Variants in RRAGC observed in about 807,000 individuals in gnomAD.
RRAGC encodes the protein Ras related GTP binding C, also known as ras-related GTP-binding protein C.
In RRAGC, 8 loss-of-function variants were observed where a neutral mutation model predicts 37.1. The observed-to-expected ratio is 0.22, with a 90% CI of 0.13 to 0.39. The LOEUF (loss-of-function observed/expected upper bound fraction) is 0.39, where lower values mean the gene tolerates loss of function less well. RRAGC is among the 10% of genes least tolerant of loss of function. The pLI, the probability that RRAGC is intolerant of heterozygous loss-of-function variation, is 1.00. For missense variants in RRAGC, 342 were observed against 497.6 expected (o/e 0.69, Z 2.98); for synonymous variants, 190 against 181.1 (o/e 1.05, Z -0.39).
intron 6 of RRAGC, among the ~76,000 whole-genome samples, chr1:38,844,281 C>T (rs541505918): frequency 2.6e-5 from 4 of 152,056 alleles, no homozygotes; most frequent in Admixed American, 2.0e-4. Flanking sequence ...TAAGAGAGAA[C>T]GTCTTACTAA....
chr1:38,852,874 G>A (rs1365265296), intron 3 of RRAGC, among the ~76,000 whole-genome samples: 1 of 151,996 alleles, frequency 6.6e-6, no homozygotes, highest in Admixed American at 6.6e-5. Context: ...CATAATTCAG[G>A]TTTCTACTAA....
At chr1:38,851,980 ATCT>A (rs1348932240) in intron 4 of RRAGC, among the ~76,000 whole-genome samples, 5 of 152,288 alleles carry the variant, frequency 3.3e-5, no homozygotes, top group African/African-American at 9.6e-5. Context: ...CCTAAGTCAA[ATCT>A]TCTTCTTCCT....
intron 3 of RRAGC, 134 bp downstream of exon 3, chr1:38,855,574 C>T: frequency 1.3e-6 from 1 of 759,040 alleles, no homozygotes; most frequent in Non-Finnish European, 2.2e-6. Flanking sequence ...TGGAATTCAA[C>T]AACAAGATCA....
Position 38,855,725 on chromosome 1 carries a change from T to C in RRAGC, c.624A>G (p.Leu208=). The C allele has an allele frequency of 6.2e-7, 1 of 1,614,064 alleles. No individual in the cohort carries two copies. The highest frequency in any genetic ancestry group is 2.2e-5 in the East Asian group (1 of 44,870). ...GTTGTTACCTAAGATGGAGTTTTTC[T>C]AGCCCAGCATCTGCAAGGTCATCAT... ...RANDDLADAG[L]EKLHLSFYLT... is the part of the protein sequence containing the mutation. The change falls in exon 3 of 7, where the codon CTA becomes CTG. Residue 208 remains leucine (L), a synonymous_variant. Coordinates refer to ENST00000373001, the MANE Select transcript of RRAGC (RefSeq NM_022157.4).
chr1:38,850,693 G>A (rs1642089655), intron 5 of RRAGC, among the ~76,000 whole-genome samples: 1 of 152,068 alleles, frequency 6.6e-6, no homozygotes, highest in Non-Finnish European at 1.5e-5. Context: ...GAGATATTTA[G>A]ACTAGATGGA....
chr1:38,858,255 A>T (rs1642191534), intron 1 of RRAGC, among the ~76,000 whole-genome samples: 3 of 152,178 alleles, frequency 2.0e-5, no homozygotes, highest in Admixed American at 2.0e-4. Context: ...AAGAAAAAAA[A>T]ATCACAGATT....
chr1:38,855,630 A>G, intron 3 of RRAGC, 78 bp downstream of exon 3: 1 of 1,133,146 alleles, frequency 8.8e-7, no homozygotes, highest in South Asian at 1.3e-5. Context: ...GCAGAAAGCT[A>G]TGGTGTTTGT....
At chr1:38,842,821 C>T (rs1043987739) in intron 6 of RRAGC, among the ~76,000 whole-genome samples, 4 of 152,056 alleles carry the variant, frequency 2.6e-5, no homozygotes, top group Non-Finnish European at 4.4e-5. Flanking sequence ...TATATGGCAG[C>T]GAAAAGGAAT....
intron 6 of RRAGC, among the ~76,000 whole-genome samples, chr1:38,844,742 T>C (rs1245666127): frequency 1.3e-5 from 2 of 152,178 alleles, no homozygotes; most frequent in African/African-American, 4.8e-5. Flanking sequence ...GACAAACGGC[T>C]AATATCCAGA....
Position 38,839,712 on chromosome 1 carries a change from A to T in RRAGC, c.1049-8T>A, listed in dbSNP as rs748160088. The T allele has an allele frequency of 6.2e-7, 1 of 1,612,962 alleles. No individual in the cohort carries two copies. Among genetic ancestry groups the T allele is most frequent in the Non-Finnish European group, 8.5e-7 (1 of 1,179,504 alleles). ...AGTTGTAGTCTATTAAACCTGCAGG[A>T]AGGAAAAAGAAAAGAATGCCTCCTG... On this transcript the variant is annotated splice_polypyrimidine_tract_variant and splice_region_variant and intron_variant, in intron 6 of 6. Coordinates refer to ENST00000373001, the MANE Select transcript of RRAGC (RefSeq NM_022157.4).
At chr1:38,856,749 T>G in intron 2 of RRAGC, 130 bp downstream of exon 2, 2 of 800,252 alleles carry the variant, frequency 2.5e-6, no homozygotes, top group Non-Finnish European at 4.1e-6. Flanking sequence ...CAACTGCATC[T>G]CTTACACTGT....
intron 6 of RRAGC, among the ~76,000 whole-genome samples, chr1:38,843,523 A>T (rs1641989501): frequency 6.6e-6 from 1 of 152,102 alleles, no homozygotes; most frequent in African/African-American, 2.4e-5. Context: ...GATTGAGACC[A>T]TCCTGGCTAA....
At chr1:38,845,832 A>C in intron 6 of RRAGC, 107 bp downstream of exon 6, 1 of 876,658 alleles carries the variant, frequency 1.1e-6, no homozygotes, top group East Asian at 2.8e-5. Flanking sequence ...TTTTTTTCTG[A>C]TAGCTATTTG....
At chr1:38,844,992 T>C (rs1642010745) in intron 6 of RRAGC, among the ~76,000 whole-genome samples, 1 of 152,186 alleles carries the variant, frequency 6.6e-6, no homozygotes, top group African/African-American at 2.4e-5. Context: ...CTGGAGAGGA[T>C]GTGGAGAAAT....
intron 5 of RRAGC, among the ~76,000 whole-genome samples, chr1:38,850,981 T>C (rs570006864): frequency 3.3e-5 from 5 of 152,316 alleles, no homozygotes; most frequent in South Asian, 4.1e-4. Flanking sequence ...TTATCAGCTT[T>C]TGAAAAGCCA....
chr1:38,839,043 A>T lies in RRAGC; in HGVS notation c.*510T>A, dbSNP rs1212421448. On this transcript the variant is annotated 3_prime_UTR_variant, in exon 7 of 7. Coordinates refer to ENST00000373001, the MANE Select transcript of RRAGC (RefSeq NM_022157.4). ...CTGCAGACTATGTGTCTTCCGAGTT[A>T]GCAAGCAAATGCATTTAAAAGGTCT... is the stretch of plus-strand genomic sequence containing the variant. 1 of 152,452 alleles carries T rather than the reference A, an allele frequency of 6.6e-6. No individual in the cohort carries two copies. The highest frequency in any genetic ancestry group is 1.5e-5 in the Non-Finnish European group (1 of 68,196). 9.4% of individuals were successfully genotyped at this position (152,452 alleles called of 1,614,324 possible). A position where few individuals can be genotyped will look rare whatever the true frequency, so the allele number is the denominator to read the frequency against.
rs371648024 is a variant in RRAGC at position 38,846,052 on chromosome 1, T to C, written c.935A>G (p.Lys312Arg). Residue 312 changes from lysine to arginine, a missense_variant, in exon 6 of 7, where the codon AAA becomes AGA. By Grantham distance (26) the Lys-to-Arg change is conservative. Coordinates refer to ENST00000373001, the MANE Select transcript of RRAGC (RefSeq NM_022157.4). The stretch of plus-strand genomic sequence containing the variant: ...CAGCTTGATAATTGCCATAGATTCT[T>C]TGTCATAAGCACTTCCACTTCCATC... ...KEDGSGSAYD[K>R]ESMAIIKLNN... The C allele has an allele frequency of 6.2e-7, 1 of 1,611,352 alleles. No homozygotes were observed. Among genetic ancestry groups the C allele is most frequent in the Non-Finnish European group, 8.5e-7 (1 of 1,178,310 alleles).
chr1:38,853,158 T>A (rs576901996), intron 3 of RRAGC, among the ~76,000 whole-genome samples: 3 of 152,146 alleles, frequency 2.0e-5, no homozygotes, highest in Admixed American at 6.5e-5. Flanking sequence ...ATGAATACAA[T>A]TGGTGTTTAC....
At chr1:38,839,846 G>A (rs191003691) in intron 6 of RRAGC, 142 bp from the exon 7 acceptor site, 8 of 805,222 alleles carry the variant, frequency 9.9e-6, no homozygotes, top group South Asian at 1.8e-5. Flanking sequence ...TTCTTCAATC[G>A]TAAGAACAGC....
Sources: allele counts gnomAD v4.1 joint callset (sites outside exome capture counted in the v4.1 genomes callset), GRCh38; gene constraint gnomAD v4.1.1; transcripts MANE v1.5; gene names NCBI Gene and HGNC (gene_info 2026-07-23, HGNC 2026-07-21).